The following GPC6 variants were observed in gnomAD, a reference collection of about 807,000 sequenced individuals.
GPC6 encodes glypican-6.
In GPC6, 14 loss-of-function variants were observed where a neutral mutation model predicts 55.2. That is an observed-to-expected ratio of 0.25 (90% confidence interval 0.17 to 0.40). The LOEUF is 0.40. Ranked by LOEUF, GPC6 falls within the 10% of genes least tolerant of loss-of-function variation. The pLI is 1.00. For missense variants in GPC6, 641 were observed against 708.5 expected (o/e 0.90, Z 1.08); for synonymous variants, 278 against 259.6 (o/e 1.07, Z -0.68).
At chr13:93,781,867 G>C (rs145065244) in intron 2 of GPC6, among the ~76,000 whole-genome samples, 6 of 152,172 alleles carry the variant, frequency 3.9e-5, no homozygotes, top group African/African-American at 1.4e-4. Context: ...ACAATATGAT[G>C]TTTGATATAT....
intron 1 of GPC6, among the ~76,000 whole-genome samples, chr13:93,406,162 T>G (rs960646291): frequency 4.6e-5 from 7 of 152,226 alleles, no homozygotes; most frequent in Admixed American, 3.3e-4. Flanking sequence ...GAAAGAGTGA[T>G]GAAGAATTTG....
At chr13:94,286,504 C>A (rs769222231) in intron 5 of GPC6, 25 bp downstream of exon 5, 1 of 1,601,632 alleles carries the variant, frequency 6.2e-7, no homozygotes, top group South Asian at 1.1e-5. Context: ...AATGTATCTG[C>A]CAATACATGT....
At position 93,247,818 on chromosome 13, in the gene GPC6, T is replaced by C. The variant is rs577453765; in HGVS notation, c.160+20202T>C. ...GAAATGTCTTAGAATCACTAAGAGA[T>C]CTTCATTATGTATTTTGTGCAAAAG... On this transcript the variant is annotated intron_variant, in intron 1 of 8. Coordinates refer to ENST00000377047, the MANE Select transcript of GPC6 (RefSeq NM_005708.5). Among the ~76,000 whole-genome samples the C allele has an allele frequency of 8.8e-4, 134 of 152,324 alleles. 1 individual carries two copies. In the Middle Eastern group the frequency reaches 0.031, roughly 35 times the overall value.
intron 4 of GPC6, among the ~76,000 whole-genome samples, chr13:94,038,850 G>T (rs1007024508): frequency 6.6e-6 from 1 of 151,858 alleles, no homozygotes; most frequent in African/African-American, 2.4e-5. Context: ...TAAGCCAAAC[G>T]CATAATAAGG....
chr13:93,536,246 T>A (rs1882057306), intron 1 of GPC6, among the ~76,000 whole-genome samples: 1 of 152,188 alleles, frequency 6.6e-6, no homozygotes, highest in South Asian at 2.1e-4. Flanking sequence ...ATATATAATA[T>A]AAAATTTACC....
chr13:94,243,839 G>T (rs577676598), intron 4 of GPC6, among the ~76,000 whole-genome samples: 2 of 152,192 alleles, frequency 1.3e-5, no homozygotes, highest in Admixed American at 1.3e-4. Context: ...AGCCAGATGA[G>T]GGTAAGTAAC....
At chr13:93,843,262 G>A (rs1344368661) in intron 3 of GPC6, among the ~76,000 whole-genome samples, 1 of 152,080 alleles carries the variant, frequency 6.6e-6, no homozygotes, top group Non-Finnish European at 1.5e-5. Context: ...ACATGTGTGT[G>A]CATGTTTAGC....
chr13:94,253,279 G>T (rs1406780154), intron 4 of GPC6, among the ~76,000 whole-genome samples: 1 of 152,074 alleles, frequency 6.6e-6, no homozygotes, highest in Non-Finnish European at 1.5e-5. Flanking sequence ...GGGAAAAGAA[G>T]GGTGTTATTT....
At chr13:94,065,763 T>C (rs1566358101) in intron 4 of GPC6, among the ~76,000 whole-genome samples, 1 of 152,170 alleles carries the variant, frequency 6.6e-6, no homozygotes, top group Non-Finnish European at 1.5e-5. Flanking sequence ...ACCATCTTTC[T>C]CTGTATAATT....
chr13:94,344,064 C>T (rs961962991), intron 6 of GPC6, among the ~76,000 whole-genome samples: 3 of 152,044 alleles, frequency 2.0e-5, no homozygotes, highest in Non-Finnish European at 1.5e-5. Context: ...ACTTTTCCTC[C>T]TCAGAAAAGA....
intron 3 of GPC6, among the ~76,000 whole-genome samples, chr13:93,966,651 A>ATTTTTTT (rs59591951): frequency 8.4e-6 from 1 of 118,828 alleles, no homozygotes; most frequent in African/African-American, 3.3e-5. Context: ...TGTTTCCTTC[A>ATTTTTTT]TTTTTTTTTT....
At chr13:94,301,444 G>T (rs577597418) in intron 5 of GPC6, among the ~76,000 whole-genome samples, 11 of 151,946 alleles carry the variant, frequency 7.2e-5, no homozygotes, top group Non-Finnish European at 1.3e-4. Flanking sequence ...AGAAAGAAAA[G>T]AACAAGAAAC....
chr13:93,667,373 C>T (rs1158792863), intron 2 of GPC6, among the ~76,000 whole-genome samples: 1 of 151,282 alleles, frequency 6.6e-6, no homozygotes, highest in Non-Finnish European at 1.5e-5. Flanking sequence ...AAGAAATCTG[C>T]ATTACTCAAA....
chr13:93,545,164 A>G (rs941668319), intron 1 of GPC6, 99 bp from the exon 2 acceptor site: 6 of 999,572 alleles, frequency 6.0e-6, no homozygotes, highest in Non-Finnish European at 9.5e-6. Context: ...AGATGGAACA[A>G]GCACCCTGAG....
chr13:93,702,976 G>A (rs912671487), intron 2 of GPC6, among the ~76,000 whole-genome samples: 1 of 151,892 alleles, frequency 6.6e-6, no homozygotes, highest in African/African-American at 2.4e-5. Context: ...TATTGGAGTA[G>A]CACTTTTCAT....
chr13:93,523,744 A>T (rs1284435954), intron 1 of GPC6, among the ~76,000 whole-genome samples: 1 of 151,892 alleles, frequency 6.6e-6, no homozygotes, highest in Non-Finnish European at 1.5e-5. Flanking sequence ...TTTGTTTGGA[A>T]TTTTTTTCTT....
At chr13:93,742,651 G>A (rs1219851557) in intron 2 of GPC6, among the ~76,000 whole-genome samples, 1 of 152,136 alleles carries the variant, frequency 6.6e-6, no homozygotes, top group African/African-American at 2.4e-5. Flanking sequence ...ATGCCTCTGG[G>A]TGCTGTTCTT....
chr13:93,730,342 GA>G (rs1006019139), intron 2 of GPC6, among the ~76,000 whole-genome samples: 3 of 152,114 alleles, frequency 2.0e-5, no homozygotes, highest in Non-Finnish European at 4.4e-5. Context: ...GCACTGGATG[GA>G]AAAAATAACA....
chr13:93,933,882 C>T (rs922125659), intron 3 of GPC6, among the ~76,000 whole-genome samples: 2 of 152,174 alleles, frequency 1.3e-5, no homozygotes, highest in Non-Finnish European at 2.9e-5. Context: ...ATCTAAACCG[C>T]AGCCCCTTCC....
Sources: gnomAD v4.1 joint callset for allele counts (sites outside exome capture counted in the v4.1 genomes callset) on GRCh38, gnomAD v4.1.1 for gene constraint, MANE v1.5 for transcripts, NCBI Gene and HGNC (gene_info 2026-07-23, HGNC 2026-07-21) for gene names.